SHB: variants seen among roughly 807,000 people sequenced by gnomAD.
SHB encodes the protein SH2 domain containing adaptor protein B, also known as SH2 domain-containing adapter protein B.
Under a neutral mutation model 52.3 loss-of-function variants are expected in SHB, and 20 were observed. The ratio of observed to expected loss-of-function variants is 0.38; its 90% confidence interval spans 0.27 to 0.56. SHB has a LOEUF of 0.56. SHB is among the 20% of genes least tolerant of loss of function. The pLI is 0.71. For missense variants in SHB, 825 were observed against 723.3 expected, an observed-to-expected ratio of 1.14 and a Z score of -1.61; for synonymous variants, 397 against 316.5, an observed-to-expected ratio of 1.25 and a Z score of -2.70.
At chr9:37,965,284 T>A (rs1014906710) in intron 3 of SHB, among the ~76,000 whole-genome samples, 4 of 152,242 alleles carry the variant, frequency 2.6e-5, no homozygotes, top group African/African-American at 9.6e-5. Context: ...AACACACCAG[T>A]CTCCAGGCCC....
At chr9:37,991,933 C>T (rs887663261) in intron 2 of SHB, among the ~76,000 whole-genome samples, 18 of 152,214 alleles carry the variant, frequency 1.2e-4, no homozygotes, top group African/African-American at 4.3e-4. Context: ...TTCTTTCCCA[C>T]AGATTAACAT....
chr9:38,004,093 G>A (rs1166894020), intron 2 of SHB, among the ~76,000 whole-genome samples: 1 of 152,192 alleles, frequency 6.6e-6, no homozygotes, highest in African/African-American at 2.4e-5. Flanking sequence ...GGTTCCTGGA[G>A]GTGCTCCCAG....
At chr9:37,936,777 T>G (rs189539916) in intron 5 of SHB, 3 of 152,078 alleles carry the variant, frequency 2.0e-5, no homozygotes, top group African/African-American at 7.2e-5. Flanking sequence ...TTTATGCACC[T>G]CAAACTGGAA....
chr9:37,970,572 T>G (rs1820580696), intron 3 of SHB, among the ~76,000 whole-genome samples: 1 of 152,228 alleles, frequency 6.6e-6, no homozygotes, highest in Non-Finnish European at 1.5e-5. Context: ...AAGGCACTTT[T>G]GCTTCATAGA....
At chr9:37,944,121 G>A (rs1832465269) in intron 5 of SHB, among the ~76,000 whole-genome samples, 1 of 152,232 alleles carries the variant, frequency 6.6e-6, no homozygotes, top group South Asian at 2.1e-4. Flanking sequence ...CTGCAGGCAG[G>A]AGGGGATGAG....
At chr9:38,041,432 A>G (rs1311029747) in intron 1 of SHB, among the ~76,000 whole-genome samples, 1 of 152,156 alleles carries the variant, frequency 6.6e-6, no homozygotes, top group Non-Finnish European at 1.5e-5. Flanking sequence ...CAAGAGGGAG[A>G]CTGCGTTGGG....
chr9:37,959,472 G>C (rs1276096697), intron 3 of SHB, among the ~76,000 whole-genome samples: 2 of 152,152 alleles, frequency 1.3e-5, no homozygotes, highest in African/African-American at 4.8e-5. Context: ...GCTTAGTTTT[G>C]CCACAGGCTC....
At chr9:37,993,250 G>A (rs1820905928) in intron 2 of SHB, among the ~76,000 whole-genome samples, 1 of 152,114 alleles carries the variant, frequency 6.6e-6, no homozygotes, top group Admixed American at 6.5e-5. Context: ...GGGAACGGAT[G>A]CCTACTTGAA....
intron 5 of SHB, among the ~76,000 whole-genome samples, chr9:37,933,205 T>C (rs954768473): frequency 6.6e-6 from 1 of 152,192 alleles, no homozygotes; most frequent in African/African-American, 2.4e-5. Flanking sequence ...AAACTCCCAA[T>C]AGTTCTTGGG....
chr9:37,966,091 A>T (rs143339551), intron 3 of SHB, among the ~76,000 whole-genome samples: 128 of 152,312 alleles, frequency 8.4e-4, no homozygotes, highest in Admixed American at 2.0e-3. Context: ...CACCCGCCAC[A>T]GCCTCCCAAA....
chr9:37,987,003 C>T (rs984354990), intron 2 of SHB, among the ~76,000 whole-genome samples: 3 of 152,232 alleles, frequency 2.0e-5, no homozygotes, highest in Admixed American at 6.5e-5. Flanking sequence ...TGAGGTAAAG[C>T]CATAGGGGAC....
At chr9:37,984,733 C>T (rs774794030) in intron 2 of SHB, among the ~76,000 whole-genome samples, 4 of 152,150 alleles carry the variant, frequency 2.6e-5, no homozygotes, top group African/African-American at 7.2e-5. Flanking sequence ...ATTAGACACG[C>T]CGCAAAACCA....
chr9:37,961,978 T>C (rs1254852783), intron 3 of SHB, among the ~76,000 whole-genome samples: 5 of 152,180 alleles, frequency 3.3e-5, no homozygotes, highest in Admixed American at 2.6e-4. Flanking sequence ...ACCCAGGGAA[T>C]GGAGGAGCTG....
chr9:38,012,743 C>A (rs953003663), intron 2 of SHB, among the ~76,000 whole-genome samples: 1 of 151,234 alleles, frequency 6.6e-6, no homozygotes, highest in East Asian at 1.9e-4. Flanking sequence ...CTGCGGCACA[C>A]GGAGGGCACA....
At chr9:38,001,601 T>C (rs1252000250) in intron 2 of SHB, among the ~76,000 whole-genome samples, 1 of 152,254 alleles carries the variant, frequency 6.6e-6, no homozygotes, top group East Asian at 1.9e-4. Flanking sequence ...TTGGGTTCGA[T>C]ACTCTCCAAG....
chr9:38,045,995 G>A (rs953094554), intron 1 of SHB, among the ~76,000 whole-genome samples: 1 of 152,148 alleles, frequency 6.6e-6, no homozygotes. Flanking sequence ...GGGAGGCAGA[G>A]GAGGGCGGAT....
chr9:37,997,502 G>A (rs1278616406), intron 2 of SHB, among the ~76,000 whole-genome samples: 1 of 152,180 alleles, frequency 6.6e-6, no homozygotes, highest in Non-Finnish European at 1.5e-5. Flanking sequence ...CCTCTGTGGA[G>A]GTCCCCACAG....
chr9:37,944,854 C>T (rs1832474292), intron 5 of SHB, among the ~76,000 whole-genome samples: 1 of 152,210 alleles, frequency 6.6e-6, no homozygotes, highest in African/African-American at 2.4e-5. Context: ...GCAGCTTCTC[C>T]TGACTCTCTG....
intron 2 of SHB, among the ~76,000 whole-genome samples, chr9:37,986,880 A>C (rs940061683): frequency 6.6e-6 from 1 of 152,186 alleles, no homozygotes; most frequent in African/African-American, 2.4e-5. Flanking sequence ...GTTCCTTCTG[A>C]GTATCGACAG....
Sources: allele counts gnomAD v4.1 joint callset (sites outside exome capture counted in the v4.1 genomes callset), GRCh38; gene constraint gnomAD v4.1.1; transcripts MANE v1.5; gene names NCBI Gene and HGNC (gene_info 2026-07-23, HGNC 2026-07-21).